PRELID2: variants seen among roughly 807,000 people sequenced by gnomAD.
PRELID2 encodes the protein PRELI domain-containing protein 2.
PRELID2 carries 25 observed loss-of-function variants against 28.4 expected under a neutral mutation model. The ratio of observed to expected loss-of-function variants is 0.88; its 90% CI spans 0.64 to 1.23. The LOEUF is 1.23. Ranked by LOEUF, PRELID2 falls within the 50% of genes most tolerant of loss-of-function variation. The pLI is 0.00. For missense variants in PRELID2, 201 were observed against 214.4 expected (o/e 0.94, Z 0.39); for synonymous variants, 76 against 71.6 (o/e 1.06, Z -0.31).
the PRELID2 span, among the ~76,000 whole-genome samples, chr5:145,396,303 T>C: frequency 1.3e-5 from 2 of 152,086 alleles, no homozygotes; most frequent in Non-Finnish European, 2.9e-5. Context: ...GCAGACCTAT[T>C]TGTTCTTCAT....
rs192465986 is a variant in PRELID2 at position 145,651,805 on chromosome 5, A to G, written n.70+113126T>C. ...TAGATAAAACCACAAAGATGGGGAA[A>G]AAACAGAGCAGAAAAGCTGAAAATT... On this transcript the variant is annotated intron_variant and non_coding_transcript_variant, in intron 1 of 2. Transcript: ENST00000510259. Among the ~76,000 whole-genome samples, 609 of 152,364 alleles carry G rather than the reference A, an allele frequency of 4.0e-3. 2 individuals carry two copies. Among genetic ancestry groups the G allele is most frequent in the African/African-American group, 0.014 (591 of 41,586 alleles).
At chr5:145,257,110 T>G in the PRELID2 span, among the ~76,000 whole-genome samples, 2 of 152,058 alleles carry the variant, frequency 1.3e-5, no homozygotes, top group South Asian at 4.1e-4. Flanking sequence ...TTATTCTTAA[T>G]GTACTATATA....
At chr5:145,790,386 G>C in intron 5 of PRELID2, among the ~76,000 whole-genome samples, 1 of 152,020 alleles carries the variant, frequency 6.6e-6, no homozygotes, top group East Asian at 1.9e-4. Context: ...AGTGAAATAA[G>C]GCACAGAAGG....
At chr5:145,458,811 A>G in the PRELID2 span, among the ~76,000 whole-genome samples, 1 of 152,146 alleles carries the variant, frequency 6.6e-6, no homozygotes, top group African/African-American at 2.4e-5. Flanking sequence ...TACAATGGGC[A>G]TTTGTTTCTT....
chr5:145,654,706 T>A (rs62392290), intron 1 of PRELID2, among the ~76,000 whole-genome samples: 10 of 151,880 alleles, frequency 6.6e-5, no homozygotes, highest in African/African-American at 2.4e-4. Flanking sequence ...CAACCCTTCA[T>A]GCTAAAAACT....
chr5:145,717,911 A>G (rs2149715033), intron 1 of PRELID2, among the ~76,000 whole-genome samples: 1 of 151,896 alleles, frequency 6.6e-6, no homozygotes, highest in East Asian at 1.9e-4. Context: ...TTTCTTCTCC[A>G]TGGTAAGAAT....
At chr5:145,340,770 CATATATATATAT>C in the PRELID2 span, among the ~76,000 whole-genome samples, 34 of 116,564 alleles carry the variant, frequency 2.9e-4, no homozygotes, top group African/African-American at 1.5e-4. Flanking sequence ...TAAAAATATA[CATATATATATAT>C]ATATATATAT....
chr5:145,357,077 C>T, the PRELID2 span, among the ~76,000 whole-genome samples: 1 of 152,306 alleles, frequency 6.6e-6, no homozygotes, highest in East Asian at 1.9e-4. Flanking sequence ...CCAATATCTT[C>T]TGGCTTACAG....
rs571700598 is a variant in PRELID2 at position 145,487,069 on chromosome 5, T to C, written n.71-13754A>G. ...GATCACATGGACACAGGAAGGGTAA[T>C]ATCACACTCTGGGGACTGTGGTGGG... is the stretch of plus-strand genomic sequence containing the variant. On this transcript the variant is annotated intron_variant and non_coding_transcript_variant, in intron 1 of 2. Coordinates refer to the PRELID2 transcript ENST00000510259. 7.3e-3 allele frequency among the ~76,000 whole-genome samples: 918 copies of C among 125,208 alleles called. 9 individuals carry two copies. In the Middle Eastern group the frequency reaches 0.078, roughly 11 times the overall value. The allele number at this position is 125,208 out of a possible 152,430, so 82.1% of individuals were successfully genotyped here.
At chr5:145,326,111 G>A in the PRELID2 span, among the ~76,000 whole-genome samples, 130 of 152,168 alleles carry the variant, frequency 8.5e-4, no homozygotes, top group African/African-American at 3.0e-3. Context: ...GAGCTCAAGC[G>A]ATCCTCCCAT....
intron 1 of PRELID2, among the ~76,000 whole-genome samples, chr5:145,737,635 G>C (rs1314375697): frequency 6.6e-6 from 1 of 152,150 alleles, no homozygotes; most frequent in Non-Finnish European, 1.5e-5. Flanking sequence ...CCAGGCAAAA[G>C]ACCAGGAAAG....
At chr5:145,624,806 A>G (rs1753820925) in intron 1 of PRELID2, among the ~76,000 whole-genome samples, 1 of 152,220 alleles carries the variant, frequency 6.6e-6, no homozygotes, top group Non-Finnish European at 1.5e-5. Flanking sequence ...GCATCAAGCC[A>G]CAAACTAAGA....
the PRELID2 span, among the ~76,000 whole-genome samples, chr5:145,337,050 C>G: frequency 6.6e-6 from 1 of 151,100 alleles, no homozygotes; most frequent in South Asian, 2.1e-4. Context: ...CAGCATTGCA[C>G]ATGTATACAT....
chr5:145,649,384 AG>A (rs1414384316), intron 1 of PRELID2, among the ~76,000 whole-genome samples: 1 of 152,248 alleles, frequency 6.6e-6, no homozygotes, highest in Non-Finnish European at 1.5e-5. Flanking sequence ...ATTATAAAAT[AG>A]GCTCTGTGTT....
At chr5:145,482,855 A>G (rs1281713427) in intron 1 of PRELID2, among the ~76,000 whole-genome samples, 1 of 151,780 alleles carries the variant, frequency 6.6e-6, no homozygotes, top group African/African-American at 2.4e-5. Flanking sequence ...GATCCCTCAC[A>G]GGCACAGTTC....
At chr5:145,434,221 A>G in the PRELID2 span, among the ~76,000 whole-genome samples, 6 of 152,174 alleles carry the variant, frequency 3.9e-5, no homozygotes, top group Non-Finnish European at 8.8e-5. Context: ...TTCAGTTAAA[A>G]TTAGTTTCAG....
At chr5:145,816,039 A>C (rs28851615) in intron 4 of PRELID2, among the ~76,000 whole-genome samples, 3,263 of 136,530 alleles carry the variant, frequency 0.024, 104 homozygotes, top group African/African-American at 0.08. Context: ...GTTCTAATTT[A>C]TCCACATATC....
intron 1 of PRELID2, among the ~76,000 whole-genome samples, chr5:145,685,191 A>G (rs1035942206): frequency 6.6e-6 from 1 of 152,154 alleles, no homozygotes. Flanking sequence ...TTACTCTGAA[A>G]TATAAATCTA....
chr5:145,566,267 T>C (rs908192806), intron 1 of PRELID2, among the ~76,000 whole-genome samples: 9 of 152,196 alleles, frequency 5.9e-5, no homozygotes, highest in African/African-American at 2.2e-4. Flanking sequence ...CTAAATTCTT[T>C]ACAAACCAAA....
Sources: allele counts gnomAD v4.1 joint callset (sites outside exome capture counted in the v4.1 genomes callset), GRCh38; gene constraint gnomAD v4.1.1; transcripts MANE v1.5; gene names NCBI Gene and HGNC (gene_info 2026-07-23, HGNC 2026-07-21).